The following MYH11 variants were observed in gnomAD, a reference collection of about 807,000 sequenced individuals.
MYH11 encodes the protein myosin-11.
In MYH11, 80 loss-of-function variants were observed where a neutral mutation model predicts 246.6. That is an observed-to-expected ratio of 0.32 (90% CI 0.27 to 0.39). MYH11 has a LOEUF of 0.39. Ranked by LOEUF, MYH11 falls within the 10% of genes least tolerant of loss-of-function variation. The pLI is 1.00. For missense variants in MYH11, 2,158 were observed against 2,546.8 expected (o/e 0.85, Z 3.29); for synonymous variants, 1,071 against 1,015.5 (o/e 1.05, Z -1.04).
At chr16:15,719,441 T>A (rs554011379) in intron 35 of MYH11, 133 bp from the exon 36 acceptor site, 6 of 1,475,960 alleles carry the variant, frequency 4.1e-6, no homozygotes, top group Non-Finnish European at 5.6e-6. Flanking sequence ...CGTGAATACA[T>A]AGAGGAGGGA....
At position 15,775,364 on chromosome 16, in the gene MYH11, T is replaced by C. The variant is rs193154518; in HGVS notation, c.889+714A>G. ...TGATTTATGTGTTGCCTATGTTCAT[T>C]GGTTTATGTGCTGCCTGTGCTCATT... On this transcript the variant is annotated intron_variant, in intron 8 of 40. Coordinates refer to ENST00000300036, the MANE Select transcript of MYH11 (RefSeq NM_002474.3). 1.3e-3 allele frequency among the ~76,000 whole-genome samples: 197 copies of C among 152,238 alleles called. 1 individual carries two copies. The highest frequency in any genetic ancestry group is 4.6e-3 in the African/African-American group (190 of 41,534).
chr16:15,706,708 A>G (rs1350842628), intron 40 of MYH11, among the ~76,000 whole-genome samples: 1 of 152,222 alleles, frequency 6.6e-6, no homozygotes, highest in Middle Eastern at 3.4e-3. Flanking sequence ...GTCTCCAAAA[A>G]AAAAAACAAA....
intron 2 of MYH11, among the ~76,000 whole-genome samples, chr16:15,833,389 A>AAGGAAGGGAGGG (rs371875757): frequency 5.3e-5 from 6 of 113,456 alleles, no homozygotes; most frequent in Admixed American, 1.7e-4. Flanking sequence ...GGGAGGGAGG[A>AAGGAAGGGAGGG]AGGAAGGAAG....
intron 1 of MYH11, among the ~76,000 whole-genome samples, chr16:15,845,593 A>G (rs2044167045): frequency 6.6e-6 from 1 of 152,174 alleles, no homozygotes; most frequent in Non-Finnish European, 1.5e-5. Flanking sequence ...TTTTAATAGT[A>G]TAACCAAGGT....
intron 2 of MYH11, among the ~76,000 whole-genome samples, chr16:15,832,597 G>A (rs2043769427): frequency 6.6e-6 from 1 of 152,128 alleles, no homozygotes. Context: ...GATATATTAA[G>A]TTAACTCAAT....
intron 1 of MYH11, among the ~76,000 whole-genome samples, chr16:15,841,240 C>T (rs1228114357): frequency 1.3e-5 from 2 of 152,256 alleles, no homozygotes; most frequent in East Asian, 3.9e-4. Context: ...TGGGTTCAAG[C>T]GATTCTCCTG....
chr16:15,728,187 C>A (rs987362583), intron 27 of MYH11, among the ~76,000 whole-genome samples: 1 of 152,142 alleles, frequency 6.6e-6, no homozygotes, highest in Admixed American at 6.5e-5. Context: ...CAAGATCATG[C>A]CACTGCATTC....
intron 4 of MYH11, among the ~76,000 whole-genome samples, chr16:15,789,748 A>C (rs1264215934): frequency 6.6e-6 from 1 of 152,186 alleles, no homozygotes; most frequent in African/African-American, 2.4e-5. Flanking sequence ...CTTCATTCTA[A>C]AGTGAAGGGG....
At chr16:15,778,906 T>C in intron 6 of MYH11, 63 bp from the exon 7 acceptor site, 1 of 1,516,314 alleles carries the variant, frequency 6.6e-7, no homozygotes, top group Non-Finnish European at 9.2e-7. Context: ...CCCCATGCTG[T>C]GGGCAAGCAG....
At position 15,805,219 on chromosome 16, in the gene MYH11, G is replaced by T. The variant is rs79344558; in HGVS notation, c.503-6532C>A. On this transcript the variant is annotated intron_variant, in intron 3 of 40. Transcript: ENST00000300036. Reference sequence around the variant, plus strand: ...CATTGGTCATTTATTGTATTGCATTGTGTATTTATTGTAATAATCTTTCAG... The same window carrying T: ...CATTGGTCATTTATTGTATTGCATTTTGTATTTATTGTAATAATCTTTCAG... Among the ~76,000 whole-genome samples the T allele has an allele frequency of 4.2e-3, 641 of 152,274 alleles. 1 individual carries two copies. The highest frequency in any genetic ancestry group is 0.014 in the African/African-American group (592 of 41,546).
At chr16:15,796,160 C>A (rs8063887) in intron 4 of MYH11, among the ~76,000 whole-genome samples, 1 of 151,918 alleles carries the variant, frequency 6.6e-6, no homozygotes, top group Non-Finnish European at 1.5e-5. Flanking sequence ...AGCATCATAC[C>A]GTCCAAGGCA....
At chr16:15,770,598 C>T (rs926182890) in intron 9 of MYH11, among the ~76,000 whole-genome samples, 1 of 152,124 alleles carries the variant, frequency 6.6e-6, no homozygotes. Context: ...AATCCACTGC[C>T]TCGATCACTC....
intron 26 of MYH11, 43 bp downstream of exon 26, chr16:15,735,323 G>T: frequency 6.3e-7 from 1 of 1,582,358 alleles, no homozygotes; most frequent in South Asian, 1.1e-5. Context: ...CATCCCATTG[G>T]TGCAGTGGGA....
At chr16:15,778,290 ACT>A (rs1376122281) in intron 7 of MYH11, among the ~76,000 whole-genome samples, 1 of 152,104 alleles carries the variant, frequency 6.6e-6, no homozygotes, top group African/African-American at 2.4e-5. Context: ...TCACAGACCA[ACT>A]CTCTAAGAGG....
chr16:15,720,176 G>A lies in MYH11; in HGVS notation c.4928C>T (p.Ala1643Val), dbSNP rs369662031. The change falls in exon 34 of 41, where the codon GCC becomes GTC. Residue 1643 changes from alanine to valine, a missense_variant. Transcript: ENST00000300036. ...CTGCAGTTTGCGTAGCTGCTTGATGGCTTCCTCCCTCCCCTTGATGGCAGA... is the reference window on the plus strand; with the variant it reads ...CTGCAGTTTGCGTAGCTGCTTGATGACTTCCTCCCTCCCCTTGATGGCAGA... Reference protein sequence around the residue: ...ADSAIKGREEAIKQLRKLQAQ... With the variant: ...ADSAIKGREEVIKQLRKLQAQ... 2 of 1,613,970 alleles carry A rather than the reference G, an allele frequency of 1.2e-6. No homozygotes were observed. The highest frequency in any genetic ancestry group is 1.7e-6 in the Non-Finnish European group (2 of 1,180,016).
intron 1 of MYH11, among the ~76,000 whole-genome samples, chr16:15,842,479 C>T (rs1432270039): frequency 1.3e-5 from 2 of 151,798 alleles, no homozygotes; most frequent in African/African-American, 2.4e-5. Context: ...AAAAAAGTGG[C>T]GGCTAGGTGC....
chr16:15,838,613 A>G (rs1452320463), intron 1 of MYH11, among the ~76,000 whole-genome samples: 1 of 152,122 alleles, frequency 6.6e-6, no homozygotes, highest in Middle Eastern at 3.2e-3. Flanking sequence ...TAAACCCAAC[A>G]CTGTGGGAGG....
At chr16:15,707,689 C>A (rs2039530479) in intron 40 of MYH11, among the ~76,000 whole-genome samples, 1 of 152,194 alleles carries the variant, frequency 6.6e-6, no homozygotes, top group African/African-American at 2.4e-5. Context: ...GGCCTAACTT[C>A]ACCTGTGAAA....
Position 15,715,086 on chromosome 16 carries a change from C to G in MYH11, c.5614-5G>C, listed in dbSNP as rs201028938. ...CCTGGCATTGCCTTTCTCTGCCTGT[C>G]GCGGAGAGTTGGAGGGGTGGTTAGG... On this transcript the variant is annotated splice_region_variant and splice_polypyrimidine_tract_variant and intron_variant, in intron 39 of 40. Coordinates refer to ENST00000300036, the MANE Select transcript of MYH11 (RefSeq NM_002474.3). The G allele has an allele frequency of 1.9e-6, 3 of 1,612,278 alleles. No homozygotes were observed. The highest frequency in any genetic ancestry group is 2.5e-6 in the Non-Finnish European group (3 of 1,179,920).
Sources: gnomAD v4.1 joint callset for allele counts (sites outside exome capture counted in the v4.1 genomes callset) on GRCh38, gnomAD v4.1.1 for gene constraint, MANE v1.5 for transcripts, NCBI Gene and HGNC (gene_info 2026-07-23, HGNC 2026-07-21) for gene names.